The following DNAAF4 variants were observed in gnomAD, a reference collection of about 807,000 sequenced individuals.
The protein encoded by DNAAF4 is dynein assembly factor 4, axonemal.
DNAAF4 carries 43 observed loss-of-function variants against 51.8 expected under a neutral mutation model. The ratio of observed to expected loss-of-function variants is 0.83; its 90% CI spans 0.65 to 1.07. The LOEUF is 1.07. DNAAF4 is among the 50% of genes least tolerant of loss of function. The pLI is 0.00. For missense variants in DNAAF4, 581 were observed against 493.0 expected, an observed-to-expected ratio of 1.18 and a Z score of -1.69; for synonymous variants, 194 against 165.6, an observed-to-expected ratio of 1.17 and a Z score of -1.32.
chr15:55,447,787 G>GAGAGGGC (rs2057858143), intron 6 of DNAAF4, among the ~76,000 whole-genome samples: 1 of 64,972 alleles, frequency 1.5e-5, no homozygotes, highest in Non-Finnish European at 3.0e-5. Flanking sequence ...AGAGAGAGGG[G>GAGAGGGC]AGAGGGGAGA....
At chr15:55,491,100 T>G in intron 4 of DNAAF4, 23 bp downstream of exon 4, 1 of 1,613,796 alleles carries the variant, frequency 6.2e-7, no homozygotes, top group Non-Finnish European at 8.5e-7. Context: ...TTTAGAGGAC[T>G]TGCCTGTCAT....
downstream of DNAAF4, among the ~76,000 whole-genome samples, chr15:55,427,182 C>T (rs2141388933): frequency 6.6e-6 from 1 of 152,210 alleles, no homozygotes; most frequent in East Asian, 1.9e-4. Flanking sequence ...TTCTCTGCCT[C>T]AGCCTCCCGA....
chr15:55,452,076 A>C (rs1249787826), intron 5 of DNAAF4, among the ~76,000 whole-genome samples: 6 of 151,718 alleles, frequency 4.0e-5, no homozygotes, highest in Non-Finnish European at 8.8e-5. Context: ...GTGAAACCTC[A>C]TCTCTACTAA....
chr15:55,433,692 T>C (rs2057535202), intron 8 of DNAAF4, among the ~76,000 whole-genome samples: 1 of 138,666 alleles, frequency 7.2e-6, no homozygotes, highest in Non-Finnish European at 1.5e-5. Flanking sequence ...GTACAGGAAT[T>C]TAGCAAATAT....
At chr15:55,418,809 C>T (rs761393318) in intron 7 of DNAAF4, 1 of 355,070 alleles carries the variant, frequency 2.8e-6, no homozygotes, top group Non-Finnish European at 5.0e-6. Context: ...GCTTCAAAAG[C>T]CTTTCATATT....
At chr15:55,436,098 T>C (rs2057605303) in intron 7 of DNAAF4, among the ~76,000 whole-genome samples, 1 of 152,138 alleles carries the variant, frequency 6.6e-6, no homozygotes, top group South Asian at 2.1e-4. Flanking sequence ...CTATTTTTAC[T>C]TTTTTGGGAA....
At chr15:55,463,213 A>ACAC (rs1555417416) in intron 5 of DNAAF4, among the ~76,000 whole-genome samples, 5 of 108,944 alleles carry the variant, frequency 4.6e-5, no homozygotes, top group East Asian at 2.3e-4. Context: ...CACACACACA[A>ACAC]AGCATTTGAC....
Position 55,439,498 on chromosome 15 carries a change from GTTCTT to G in DNAAF4, c.862_866del (p.Lys288ProfsTer7), listed in dbSNP as rs2057672332. 6 of 1,613,826 alleles carry G rather than the reference GTTCTT, an allele frequency of 3.7e-6. No homozygotes were observed. Among genetic ancestry groups the G allele is most frequent in the Admixed American group, 1.7e-5 (1 of 59,986 alleles). On this transcript the variant is annotated frameshift_variant, in exon 7 of 10. Coordinates refer to ENST00000321149, the MANE Select transcript of DNAAF4 (RefSeq NM_130810.4). LOFTEE classifies it high-confidence loss of function. ...TTCCTTTATCCTTCAACCATTCTGG[GTTCTT>G]TTCTTCTTCTTTTAAATCGCAAAGT... is the stretch of plus-strand genomic sequence containing the variant.
chr15:55,420,375 T>C (rs1017948315), intron 7 of DNAAF4, among the ~76,000 whole-genome samples: 2 of 152,146 alleles, frequency 1.3e-5, no homozygotes, highest in African/African-American at 4.8e-5. Flanking sequence ...GCCATCTGTT[T>C]AAACCATATG....
chr15:55,450,272 G>T lies in DNAAF4; in HGVS notation c.733C>A (p.Arg245=), dbSNP rs748440695. The change falls in exon 6 of 10, where the codon CGA becomes AGA. Residue 245 remains arginine, a synonymous_variant. Coordinates refer to ENST00000321149, the MANE Select transcript of DNAAF4 (RefSeq NM_130810.4). ...TCACGAAGAGCTGTTGGGAATACTCGAGGGGTAAAGTTGATTTTAATACTG... is the reference window on the plus strand; with the variant it reads ...TCACGAAGAGCTGTTGGGAATACTCTAGGGGTAAAGTTGATTTTAATACTG... ...VGSIKINFTP[R]VFPTALRESQ... is the part of the protein sequence containing the mutation. 2.5e-6 allele frequency: 4 copies of T among 1,614,018 alleles called. No individual in the cohort carries two copies. The highest frequency in any genetic ancestry group is 3.4e-6 in the Non-Finnish European group (4 of 1,180,002).
At chr15:55,423,142 G>A (rs1325894188) in intron 7 of DNAAF4, among the ~76,000 whole-genome samples, 2 of 149,834 alleles carry the variant, frequency 1.3e-5, no homozygotes, top group Non-Finnish European at 3.0e-5. Context: ...AGATAAATGG[G>A]GCAATAGCTA....
intron 4 of DNAAF4, among the ~76,000 whole-genome samples, chr15:55,487,959 A>G (rs938062292): frequency 1.3e-5 from 2 of 152,148 alleles, no homozygotes; most frequent in South Asian, 2.1e-4. Flanking sequence ...ATTAGCAAAT[A>G]TGACACAGCA....
downstream of DNAAF4, among the ~76,000 whole-genome samples, chr15:55,428,418 G>C (rs552109815): frequency 6.6e-6 from 1 of 151,158 alleles, no homozygotes; most frequent in African/African-American, 2.4e-5. Context: ...AATGAACAAG[G>C]ACAGCTTGGA....
chr15:55,500,797 A>G (rs1595962616), intron 1 of DNAAF4, among the ~76,000 whole-genome samples: 1 of 152,004 alleles, frequency 6.6e-6, no homozygotes, highest in East Asian at 2.0e-4. Flanking sequence ...GTTCAAGACC[A>G]GCCTGACGAA....
At chr15:55,428,294 CA>C (rs2057450294), downstream of DNAAF4, among the ~76,000 whole-genome samples, 1 of 151,926 alleles carries the variant, frequency 6.6e-6, no homozygotes, top group Non-Finnish European at 1.5e-5. Context: ...GTTAGTCCTA[CA>C]AAGGCAATTC....
At chr15:55,481,501 C>T (rs1023675402) in intron 4 of DNAAF4, among the ~76,000 whole-genome samples, 17 of 152,160 alleles carry the variant, frequency 1.1e-4, no homozygotes, top group African/African-American at 3.4e-4. Context: ...GAACATTAAG[C>T]TTCAAATGAT....
intron 4 of DNAAF4, among the ~76,000 whole-genome samples, chr15:55,482,579 T>A (rs1567027958): frequency 6.6e-6 from 1 of 152,108 alleles, no homozygotes. Flanking sequence ...CTCAGGAGGC[T>A]GAGGCAGGAG....
At chr15:55,434,307 G>T (rs4774768) in intron 8 of DNAAF4, among the ~76,000 whole-genome samples, 68,487 of 150,758 alleles carry the variant, frequency 0.45, 16,650 homozygotes, top group East Asian at 0.74. Context: ...AGAAAAACTG[G>T]ATCATAAAAG....
chr15:55,418,525 C>A, intron 7 of DNAAF4: 1 of 1,514,874 alleles, frequency 6.6e-7, no homozygotes. Context: ...CTGCACCTGA[C>A]AGAACCAGAA....
Sources: allele counts gnomAD v4.1 joint callset (sites outside exome capture counted in the v4.1 genomes callset), GRCh38; gene constraint gnomAD v4.1.1; transcripts MANE v1.5; gene names NCBI Gene and HGNC (gene_info 2026-07-23, HGNC 2026-07-21).